Variants in IGSF21 observed in about 807,000 individuals in gnomAD.
The protein encoded by IGSF21 is immunoglobin superfamily member 21.
Under a neutral mutation model 46.8 loss-of-function variants are expected in IGSF21, and 28 were observed. The ratio of observed to expected loss-of-function variants is 0.60; its 90% confidence interval spans 0.44 to 0.82. IGSF21 has a LOEUF of 0.82. IGSF21 is among the 40% of genes least tolerant of loss of function. The pLI is 0.00. For missense variants in IGSF21, 624 were observed against 665.5 expected (o/e 0.94, Z 0.69); for synonymous variants, 284 against 273.6 (o/e 1.04, Z -0.38).
chr1:18,346,056 T>C (rs1182921989), intron 4 of IGSF21, among the ~76,000 whole-genome samples: 1 of 152,114 alleles, frequency 6.6e-6, no homozygotes, highest in Admixed American at 6.5e-5. Flanking sequence ...TCACAGTGAG[T>C]GCTCTGGAGG....
At chr1:18,205,081 T>A (rs2087112394) in intron 1 of IGSF21, among the ~76,000 whole-genome samples, 1 of 149,346 alleles carries the variant, frequency 6.7e-6, no homozygotes, top group Non-Finnish European at 1.5e-5. Context: ...GGCCACAGAG[T>A]CCTGCTAAAA....
chr1:18,359,338 A>AAAGAAAGAAAG (rs1557659426), intron 4 of IGSF21, among the ~76,000 whole-genome samples: 766 of 34,842 alleles, frequency 0.022, 61 homozygotes, highest in South Asian at 0.028. Flanking sequence ...AAGAGAAAGA[A>AAAGAAAGAAAG]AAAGAAAGAA....
chr1:18,164,311 C>T (rs556230877), intron 1 of IGSF21, among the ~76,000 whole-genome samples: 3 of 151,772 alleles, frequency 2.0e-5, no homozygotes, highest in African/African-American at 7.3e-5. Context: ...TTCTTTCTTC[C>T]CTCCCTCTCT....
At chr1:18,200,721 T>C (rs939853232) in intron 1 of IGSF21, among the ~76,000 whole-genome samples, 2 of 152,214 alleles carry the variant, frequency 1.3e-5, no homozygotes, top group African/African-American at 2.4e-5. Context: ...AGGATTTCAA[T>C]GTATCTTTTA....
At chr1:18,244,219 G>A (rs111353182) in intron 2 of IGSF21, among the ~76,000 whole-genome samples, 7 of 152,340 alleles carry the variant, frequency 4.6e-5, no homozygotes, top group South Asian at 4.1e-4. Flanking sequence ...CAAGGGCAGC[G>A]CTCCATGCAT....
chr1:18,320,521 G>GCGGGA lies in IGSF21; in HGVS notation c.306-14371_306-14370insCGGGA, dbSNP rs1322720325. ...GCGGCGGGAGTCAGGTTTGGCCCCG[G>GCGGGA]GTCATCCATCAGCTGACCTGGTTGG... On this transcript the variant is annotated intron_variant, in intron 3 of 9. Transcript: ENST00000251296. Among the ~76,000 whole-genome samples, 3 of 152,152 alleles carry GCGGGA rather than the reference G, an allele frequency of 2.0e-5. No homozygotes were observed. In the East Asian group the frequency reaches 5.8e-4, roughly 29 times the overall value.
chr1:18,296,291 G>A (rs570971992), intron 3 of IGSF21, among the ~76,000 whole-genome samples: 3 of 152,124 alleles, frequency 2.0e-5, no homozygotes, highest in East Asian at 1.9e-4. Flanking sequence ...CTGGGTCCCC[G>A]GTAGCAAAAG....
At chr1:18,345,006 G>A (rs12026295) in intron 4 of IGSF21, among the ~76,000 whole-genome samples, 58,472 of 152,016 alleles carry the variant, frequency 0.38, 12,021 homozygotes, top group East Asian at 0.5. Context: ...GAGCACTGAA[G>A]GGGAGGAGGT....
chr1:18,202,094 G>A (rs2087081370), intron 1 of IGSF21, among the ~76,000 whole-genome samples: 1 of 152,108 alleles, frequency 6.6e-6, no homozygotes, highest in Non-Finnish European at 1.5e-5. Context: ...CCTCCTGACA[G>A]TCTCACTTTT....
intron 1 of IGSF21, among the ~76,000 whole-genome samples, chr1:18,167,439 C>T (rs765842576): frequency 2.6e-5 from 4 of 152,244 alleles, no homozygotes; most frequent in Middle Eastern, 3.4e-3. Flanking sequence ...AGGAGCTGAG[C>T]TTAGAACCTG....
At chr1:18,174,684 C>A (rs1054348044) in intron 1 of IGSF21, among the ~76,000 whole-genome samples, 2 of 152,244 alleles carry the variant, frequency 1.3e-5, no homozygotes, top group East Asian at 1.9e-4. Flanking sequence ...CCTTCTCCCC[C>A]CAGGGAAGGA....
chr1:18,203,347 C>T (rs1017750461), intron 1 of IGSF21, among the ~76,000 whole-genome samples: 7 of 152,128 alleles, frequency 4.6e-5, no homozygotes, highest in East Asian at 1.9e-4. Context: ...CTCCCTCTGT[C>T]GCCAAGGCTG....
In IGSF21 at chr1:18,314,285, G is replaced by GTT. The variant is rs5772803; in HGVS notation, c.306-20595_306-20594dup. Among the ~76,000 whole-genome samples the GTT allele has an allele frequency of 5.7e-4, 71 of 125,526 alleles. 1 individual carries two copies. Among genetic ancestry groups the GTT allele is most frequent in the Middle Eastern group, 8.3e-3 (2 of 240 alleles). 82.3% of individuals were successfully genotyped at this position (125,526 alleles called of 152,430 possible). A position where few individuals can be genotyped will look rare whatever the true frequency, so the allele number is the denominator to read the frequency against. On this transcript the variant is annotated intron_variant, in intron 3 of 9. Coordinates refer to ENST00000251296, the MANE Select transcript of IGSF21 (RefSeq NM_032880.5). ...CCTTCCTCATAAGCATAGCCCAGTG[G>GTT]TTTTTTTTTTTTTAAACAAAGAAAA...
At chr1:18,233,612 A>G (rs2084647826) in intron 2 of IGSF21, among the ~76,000 whole-genome samples, 1 of 152,204 alleles carries the variant, frequency 6.6e-6, no homozygotes, top group African/African-American at 2.4e-5. Flanking sequence ...TGTGGCACCT[A>G]TTCAATGATA....
intron 2 of IGSF21, among the ~76,000 whole-genome samples, chr1:18,291,356 C>T (rs529656844): frequency 2.6e-5 from 4 of 152,358 alleles, no homozygotes; most frequent in Admixed American, 2.0e-4. Flanking sequence ...TGTTGGATTC[C>T]TGGCCTCCTC....
chr1:18,306,672 G>T (rs1399659810), intron 3 of IGSF21, among the ~76,000 whole-genome samples: 3 of 152,194 alleles, frequency 2.0e-5, no homozygotes, highest in African/African-American at 4.8e-5. Flanking sequence ...GGGCCTGGCT[G>T]TTGGGCCATC....
intron 5 of IGSF21, among the ~76,000 whole-genome samples, chr1:18,364,479 A>C: frequency 7.8e-6 from 1 of 127,656 alleles, no homozygotes; most frequent in African/African-American, 3.0e-5. Context: ...GCTGCATCCC[A>C]CTCTTCCCTC....
intron 2 of IGSF21, among the ~76,000 whole-genome samples, chr1:18,243,720 C>T (rs983990565): frequency 1.3e-5 from 2 of 152,238 alleles, no homozygotes; most frequent in African/African-American, 2.4e-5. Context: ...CATTTGGGTT[C>T]TGTAAACAGG....
At chr1:18,312,118 A>G (rs1490269792) in intron 3 of IGSF21, among the ~76,000 whole-genome samples, 1 of 152,158 alleles carries the variant, frequency 6.6e-6, no homozygotes, top group Non-Finnish European at 1.5e-5. Context: ...TTGTTTGCCC[A>G]TCTCTTGTCT....
Sources: allele counts gnomAD v4.1 joint callset (sites outside exome capture counted in the v4.1 genomes callset), GRCh38; gene constraint gnomAD v4.1.1; transcripts MANE v1.5; gene names NCBI Gene and HGNC (gene_info 2026-07-23, HGNC 2026-07-21).